The following PRKCB variants were observed in gnomAD, a reference collection of about 807,000 sequenced individuals.
The protein encoded by PRKCB is protein kinase C beta, also known as protein kinase C beta type.
A neutral mutation model predicts 81.5 loss-of-function variants in PRKCB; 13 were observed. The observed-to-expected ratio is 0.16, with a 90% CI of 0.10 to 0.25. The LOEUF (loss-of-function observed/expected upper bound fraction) is 0.25. Among genes scored for constraint, PRKCB ranks in the 10% least tolerant of loss-of-function variants. PRKCB has a pLI of 1.00. For synonymous variants in PRKCB, 335 were observed against 321.4 expected (o/e 1.04, Z -0.45); for missense variants, 509 against 875.7 (o/e 0.58, Z 5.29).
chr16:23,971,030 T>C (rs1449846241), intron 2 of PRKCB, among the ~76,000 whole-genome samples: 1 of 152,262 alleles, frequency 6.6e-6, no homozygotes, highest in Admixed American at 6.5e-5. Flanking sequence ...GTGGGGATTA[T>C]AGTAGATGTA....
chr16:24,167,088 G>T (rs184774942), intron 10 of PRKCB, among the ~76,000 whole-genome samples: 5 of 151,154 alleles, frequency 3.3e-5, no homozygotes, highest in African/African-American at 1.2e-4. Context: ...CAAGTGTTTT[G>T]GTTCTCTTCA....
intron 2 of PRKCB, among the ~76,000 whole-genome samples, chr16:23,926,374 C>T (rs1256918862): frequency 1.3e-5 from 2 of 151,888 alleles, no homozygotes; most frequent in African/African-American, 4.8e-5. Context: ...GTCCCAGCTA[C>T]TCAGGAGGCC....
At chr16:24,124,292 T>C (rs181181685) in intron 9 of PRKCB, among the ~76,000 whole-genome samples, 14 of 152,106 alleles carry the variant, frequency 9.2e-5, no homozygotes, top group African/African-American at 2.9e-4. Context: ...AGTTCCAAGG[T>C]GGGGACAGGC....
chr16:24,049,060 T>G (rs1224434098), intron 5 of PRKCB, among the ~76,000 whole-genome samples: 7 of 140,740 alleles, frequency 5.0e-5, no homozygotes, highest in South Asian at 4.8e-4. Flanking sequence ...TTTTTTTTTT[T>G]TTTTTTTTTT....
At chr16:23,984,803 GA>G (rs1263128241) in intron 2 of PRKCB, among the ~76,000 whole-genome samples, 1 of 152,196 alleles carries the variant, frequency 6.6e-6, no homozygotes, top group Non-Finnish European at 1.5e-5. Flanking sequence ...CTGTGTGGTT[GA>G]AGTGTAGAGA....
At chr16:23,871,766 C>T (rs1962908509) in intron 2 of PRKCB, among the ~76,000 whole-genome samples, 1 of 151,750 alleles carries the variant, frequency 6.6e-6, no homozygotes, top group Admixed American at 6.6e-5. Flanking sequence ...TTAGTAGAGA[C>T]AGGGTTTCAT....
At chr16:23,850,432 C>T (rs1962453964) in intron 2 of PRKCB, among the ~76,000 whole-genome samples, 1 of 152,098 alleles carries the variant, frequency 6.6e-6, no homozygotes. Context: ...ATGGTGCGAT[C>T]TCAGCTCACT....
intron 2 of PRKCB, among the ~76,000 whole-genome samples, chr16:23,944,259 T>G (rs1382797170): frequency 1.3e-5 from 2 of 152,222 alleles, no homozygotes; most frequent in Non-Finnish European, 2.9e-5. Context: ...GTTATTTGAC[T>G]CCATTGCCTC....
intron 2 of PRKCB, among the ~76,000 whole-genome samples, chr16:23,903,248 A>G (rs1260703774): frequency 2.9e-5 from 4 of 137,304 alleles, no homozygotes; most frequent in African/African-American, 1.1e-4. Context: ...AGGATCCGGA[A>G]GGGAACTTAA....
At position 24,180,800 on chromosome 16, in the gene PRKCB, C is replaced by T. The variant is rs1476420163; in HGVS notation, c.1405C>T (p.Leu469Phe). Residue 469 changes from leucine (L) to phenylalanine (F), a missense_variant, in exon 13 of 17, where the codon CTT becomes TTT. Leu to Phe is a conservative substitution (Grantham distance 22, BLOSUM62 0). This residue lies in a region of PRKCB where 106 missense variants were observed against 214.0 expected (regional missense o/e 0.50). Coordinates refer to ENST00000643927, the MANE Select transcript of PRKCB (RefSeq NM_002738.7). The stretch of plus-strand genomic sequence containing the variant: ...TTGTGTCTGCCATAGTGACCTAAAA[C>T]TTGACAACGTGATGCTCGATTCTGA... The part of the protein sequence containing the change: ...SKGIIYRDLK[L>F]DNVMLDSEGH... The T allele has an allele frequency of 6.2e-7, 1 of 1,613,838 alleles. No homozygotes were observed. The highest frequency in any genetic ancestry group is 1.3e-5 in the African/African-American group (1 of 74,922).
chr16:23,841,766 G>A (rs528284268), intron 2 of PRKCB, among the ~76,000 whole-genome samples: 38 of 143,910 alleles, frequency 2.6e-4, no homozygotes, highest in African/African-American at 4.6e-4. Context: ...AGTGATTCTC[G>A]TGCCTCAGCC....
At chr16:23,939,132 C>A (rs1964104899) in intron 2 of PRKCB, among the ~76,000 whole-genome samples, 1 of 152,072 alleles carries the variant, frequency 6.6e-6, no homozygotes, top group African/African-American at 2.4e-5. Context: ...ATACTATTGA[C>A]AATTGATTGC....
chr16:24,206,160 G>A (rs1968042285), intron 16 of PRKCB, among the ~76,000 whole-genome samples: 1 of 152,120 alleles, frequency 6.6e-6, no homozygotes, highest in Non-Finnish European at 1.5e-5. Flanking sequence ...GCAGAAAAAG[G>A]AGACTTAAAT....
chr16:24,105,556 C>G (rs979845640), intron 7 of PRKCB, among the ~76,000 whole-genome samples: 2 of 152,080 alleles, frequency 1.3e-5, no homozygotes, highest in African/African-American at 4.8e-5. Flanking sequence ...TAACAGGCCC[C>G]GGTGTGTAAT....
chr16:23,894,872 C>T (rs1053241793), intron 2 of PRKCB, among the ~76,000 whole-genome samples: 3 of 151,062 alleles, frequency 2.0e-5, no homozygotes, highest in African/African-American at 7.3e-5. Context: ...GCCATTTACT[C>T]TTTTTTTTTG....
intron 3 of PRKCB, among the ~76,000 whole-genome samples, chr16:23,998,361 A>T (rs1201416892): frequency 2.0e-5 from 3 of 152,106 alleles, no homozygotes; most frequent in Admixed American, 6.6e-5. Flanking sequence ...AATTCACGTT[A>T]TTGATTTTTT....
intron 2 of PRKCB, chr16:23,893,527 T>C (rs1051680528): frequency 3.3e-5 from 5 of 152,246 alleles, no homozygotes; most frequent in African/African-American, 4.8e-5. Flanking sequence ...TTGTAAGTTC[T>C]GACTTACGAT....
At chr16:24,156,693 T>C (rs1967165230) in intron 10 of PRKCB, among the ~76,000 whole-genome samples, 1 of 152,216 alleles carries the variant, frequency 6.6e-6, no homozygotes, top group African/African-American at 2.4e-5. Flanking sequence ...AGGAAAGGGG[T>C]ACACCTAACC....
chr16:23,987,979 G>A (rs1367869273), intron 2 of PRKCB, among the ~76,000 whole-genome samples: 1 of 152,164 alleles, frequency 6.6e-6, no homozygotes, highest in Non-Finnish European at 1.5e-5. Flanking sequence ...AAACGTTGCT[G>A]CCTATTTTTC....
Sources: allele counts gnomAD v4.1 joint callset (sites outside exome capture counted in the v4.1 genomes callset), GRCh38; gene constraint gnomAD v4.1.1; regional missense constraint gnomAD v4.1.1; transcripts MANE v1.5; gene names NCBI Gene and HGNC (gene_info 2026-07-23, HGNC 2026-07-21).